Variants in LRP1B observed in about 807,000 individuals in gnomAD.
LRP1B encodes LDL receptor related protein 1B.
A neutral mutation model predicts 556.6 loss-of-function variants in LRP1B; 217 were observed. The ratio of observed to expected loss-of-function variants is 0.39; its 90% CI spans 0.35 to 0.44. LRP1B has a LOEUF of 0.44. Among genes scored for constraint, LRP1B ranks in the 20% least tolerant of loss-of-function variants. LRP1B has a pLI of 1.00. For missense variants in LRP1B, 5,053 were observed against 5,620.8 expected, an observed-to-expected ratio of 0.90 and a Z score of 3.23; for synonymous variants, 2,047 against 1,865.8, an observed-to-expected ratio of 1.10 and a Z score of -2.50.
At chr2:140,317,062 AATGAATGAAAGTTACTGTGAGTGGAC>A (rs1284056070) in intron 82 of LRP1B, among the ~76,000 whole-genome samples, 3 of 152,164 alleles carry the variant, frequency 2.0e-5, no homozygotes, top group African/African-American at 7.2e-5. Context: ...CACTGGAGGA[AATGAATGAAAGTTACTGTGAGTGGAC>A]ATGAATGAAA....
Position 141,598,707 on chromosome 2 carries a change from C to T in LRP1B, c.206-118174G>A, listed in dbSNP as rs1687611321. Reference sequence around the variant, plus strand: ...TTTCTTTACAACCTGAGCCTACTACCGAGGTCTGATACATGTGCAAACAGT... The same window carrying T: ...TTTCTTTACAACCTGAGCCTACTACTGAGGTCTGATACATGTGCAAACAGT... On this transcript the variant is annotated intron_variant, in intron 2 of 90. Coordinates refer to ENST00000389484, the MANE Select transcript of LRP1B (RefSeq NM_018557.3). 4.6e-5 allele frequency among the ~76,000 whole-genome samples: 7 copies of T among 152,110 alleles called. No individual in the cohort carries two copies. In the South Asian group the frequency reaches 1.2e-3, roughly 27 times the overall value.
At chr2:142,066,163 T>C (rs984622291) in intron 1 of LRP1B, among the ~76,000 whole-genome samples, 2 of 151,624 alleles carry the variant, frequency 1.3e-5, no homozygotes, top group Admixed American at 6.6e-5. Flanking sequence ...AGTGAAAGAC[T>C]GTCCAGATGC....
intron 21 of LRP1B, among the ~76,000 whole-genome samples, chr2:140,922,382 C>A (rs1468091239): frequency 6.6e-6 from 1 of 151,838 alleles, no homozygotes; most frequent in Non-Finnish European, 1.5e-5. Flanking sequence ...ACAATAACAG[C>A]CCCAATGACC....
rs201267432 is a variant in LRP1B, at chr2:140,280,870, C to G, written c.12968-6272G>C. On this transcript the variant is annotated intron_variant, in intron 84 of 90. Transcript: ENST00000389484. Reference sequence around the variant, plus strand: ...CTAAGAAAGTAGAGTGAACCATGAACTTACACAACCCTTTATATTCACAAT... The same window carrying G: ...CTAAGAAAGTAGAGTGAACCATGAAGTTACACAACCCTTTATATTCACAAT... Among the ~76,000 whole-genome samples the G allele has an allele frequency of 4.0e-5, 6 of 151,816 alleles. No homozygotes were observed. The East Asian group carries it at 7.8e-4, about 20-fold the overall frequency.
chr2:140,729,057 A>T (rs961674837), intron 35 of LRP1B, among the ~76,000 whole-genome samples: 2 of 152,052 alleles, frequency 1.3e-5, no homozygotes, highest in African/African-American at 4.8e-5. Flanking sequence ...TTGGTTTAAC[A>T]TAATATTGTC....
rs755065641 is a variant in LRP1B at position 140,989,618 on chromosome 2, T to A, written c.2684A>T (p.Asn895Ile). The change falls in exon 17 of 91, where the codon AAT (asparagine) becomes ATT (isoleucine). Residue 895 changes from asparagine (N) to isoleucine (I), a missense_variant. Physicochemically the swap from Asn to Ile is moderately radical, Grantham distance 149. Transcript: ENST00000389484. ...CCATCTCTTGGGGATGCAGCGATTA[T>A]TCTGGCATTTAAACTGATCATCAGG... ...SCPDDQFKCQ[N>I]NRCIPKRWLC... 1 of 1,613,222 alleles carries A rather than the reference T, an allele frequency of 6.2e-7. No homozygotes were observed. Among genetic ancestry groups the A allele is most frequent in the Admixed American group, 1.7e-5 (1 of 59,960 alleles).
chr2:140,354,797 C>A (rs552016614), intron 75 of LRP1B, among the ~76,000 whole-genome samples: 2 of 152,044 alleles, frequency 1.3e-5, no homozygotes, highest in Non-Finnish European at 2.9e-5. Flanking sequence ...ACTGTTAATC[C>A]CCTTCTAATT....
chr2:141,944,186 G>T (rs959762070), intron 1 of LRP1B, among the ~76,000 whole-genome samples: 2 of 152,180 alleles, frequency 1.3e-5, no homozygotes, highest in African/African-American at 4.8e-5. Context: ...CAGCTGGGAG[G>T]AGTATTTATG....
At chr2:141,498,957 G>C (rs969434679) in intron 2 of LRP1B, among the ~76,000 whole-genome samples, 26 of 152,060 alleles carry the variant, frequency 1.7e-4, no homozygotes, top group Admixed American at 1.6e-3. Context: ...CATTTCCTCA[G>C]AATAAGGTGG....
intron 7 of LRP1B, among the ~76,000 whole-genome samples, chr2:141,185,689 A>AC (rs1553472463): frequency 7.0e-6 from 1 of 142,094 alleles, no homozygotes; most frequent in Admixed American, 6.9e-5. Context: ...CAAACAAACA[A>AC]AAAAAAACAA....
chr2:140,602,636 G>A (rs1299111919), intron 41 of LRP1B, among the ~76,000 whole-genome samples: 1 of 151,982 alleles, frequency 6.6e-6, no homozygotes, highest in Non-Finnish European at 1.5e-5. Flanking sequence ...GAAAAGAGCT[G>A]TTTCCAGGTT....
intron 82 of LRP1B, among the ~76,000 whole-genome samples, chr2:140,317,281 A>G (rs897388185): frequency 6.6e-5 from 10 of 152,116 alleles, no homozygotes; most frequent in African/African-American, 1.9e-4. Context: ...AAAAGCAGGG[A>G]GACTCTCAGA....
rs982240376 is a variant in LRP1B at position 140,231,620 on chromosome 2, A to G, written c.*1566T>C. ...AACATTGTTCAAGCAAAATTGCACT[A>G]GTATTACATAAATCAATAGTTTATA... On this transcript the variant is annotated 3_prime_UTR_variant, in exon 91 of 91. Transcript: ENST00000389484. 3 of 151,870 alleles carry G rather than the reference A, an allele frequency of 2.0e-5. No individual in the cohort carries two copies. Among genetic ancestry groups the G allele is most frequent in the Non-Finnish European group, 3.0e-5 (2 of 67,614 alleles). The allele number at this position is 151,870 out of a possible 1,614,324, so 9.4% of individuals were successfully genotyped here. A position where few individuals can be genotyped will look rare whatever the true frequency, so the allele number is the denominator to read the frequency against.
chr2:141,751,612 G>T (rs1004637644), intron 2 of LRP1B, among the ~76,000 whole-genome samples: 9 of 151,874 alleles, frequency 5.9e-5, no homozygotes, highest in African/African-American at 1.9e-4. Context: ...TCACAAGAAG[G>T]ATTCTCTGTC....
chr2:141,145,093 A>G (rs765452574), intron 7 of LRP1B, among the ~76,000 whole-genome samples: 10 of 152,170 alleles, frequency 6.6e-5, no homozygotes, highest in Non-Finnish European at 1.2e-4. Flanking sequence ...AATTTAAGAA[A>G]CTTTTTTTGC....
chr2:140,939,938 T>A (rs1695347887), intron 20 of LRP1B, among the ~76,000 whole-genome samples: 1 of 145,128 alleles, frequency 6.9e-6, no homozygotes, highest in Admixed American at 7.3e-5. Flanking sequence ...CAGGCTGGAG[T>A]GCAGTGGTGC....
chr2:140,811,930 C>T (rs925133860), intron 32 of LRP1B, among the ~76,000 whole-genome samples: 61 of 151,960 alleles, frequency 4.0e-4, no homozygotes, highest in African/African-American at 1.4e-3. Flanking sequence ...TGCCCAAAGA[C>T]TCAAAAGAAA....
intron 20 of LRP1B, among the ~76,000 whole-genome samples, chr2:140,948,775 C>T (rs1695618999): frequency 6.6e-6 from 1 of 152,194 alleles, no homozygotes; most frequent in Non-Finnish European, 1.5e-5. Context: ...ATTGTTTAGC[C>T]ATATTTGGAT....
Position 140,640,383 on chromosome 2 carries a change from CTTTTTTTTTTTTT to C in LRP1B, c.6800-38757_6800-38745del, listed in dbSNP as rs70988414. Among the ~76,000 whole-genome samples the C allele has an allele frequency of 2.4e-3, 116 of 48,512 alleles. 1 individual carries two copies. Among genetic ancestry groups the C allele is most frequent in the African/African-American group, 9.3e-3 (109 of 11,750 alleles). The allele number at this position is 48,512 out of a possible 152,430, so 31.8% of individuals were successfully genotyped here. On this transcript the variant is annotated intron_variant, in intron 41 of 90. Transcript: ENST00000389484. ...ATCCACTATTCCCTTGTCCTGTTTT[CTTTTTTTTTTTTT>C]TTTTTTTTTTTTTTTTTGAGATGGC...
Sources: allele counts gnomAD v4.1 joint callset (sites outside exome capture counted in the v4.1 genomes callset), GRCh38; gene constraint gnomAD v4.1.1; transcripts MANE v1.5; gene names NCBI Gene and HGNC (gene_info 2026-07-23, HGNC 2026-07-21).